The following MEF2D variants were observed in gnomAD, a reference collection of about 807,000 sequenced individuals.
MEF2D encodes the protein myocyte enhancer factor 2D, also known as myocyte-specific enhancer factor 2D.
Under a neutral mutation model 59.3 loss-of-function variants are expected in MEF2D, and 10 were observed. That is an observed-to-expected ratio of 0.17 (90% CI 0.10 to 0.29). The LOEUF (loss-of-function observed/expected upper bound fraction) is 0.29, where lower values mean the gene tolerates loss of function less well. Ranked by LOEUF, MEF2D falls within the 10% of genes least tolerant of loss-of-function variation. The pLI, the probability that MEF2D is intolerant of heterozygous loss-of-function variation, is 1.00. For synonymous variants in MEF2D, 305 were observed against 295.0 expected (o/e 1.03, Z -0.35); for missense variants, 508 against 699.4 (o/e 0.73, Z 3.09).
At chr1:156,479,149 ATC>A (rs1478846473) in intron 6 of MEF2D, 139 bp downstream of exon 6, 10 of 622,624 alleles carry the variant, frequency 1.6e-5, no homozygotes, top group African/African-American at 5.8e-5. Context: ...GGGCTTAAAA[ATC>A]TCTGACTGAC....
In MEF2D at chr1:156,468,242, G is replaced by A; in HGVS notation, c.1305C>T (p.His435=). The A allele has an allele frequency of 1.9e-6, 3 of 1,595,300 alleles. No individual in the cohort carries two copies. The highest frequency in any genetic ancestry group is 2.6e-6 in the Non-Finnish European group (3 of 1,168,396). Residue 435 remains histidine, a synonymous_variant, in exon 11 of 12, where the codon CAC becomes CAT. Transcript: ENST00000348159. This position sits in a 1 kb window ranked among gnomAD's most constrained non-coding sequence, Gnocchi z 4.3. ...ACACCGGTTCTGACTTGATGCTGAT[G>A]TGGGGGTGGGTGGTGACTGTGAGGG... ...GAALTVTTHP[H]ISIKSEPVSP...
chr1:156,472,473 T>G (rs1321952578), intron 9 of MEF2D, among the ~76,000 whole-genome samples: 1 of 152,250 alleles, frequency 6.6e-6, no homozygotes, highest in Non-Finnish European at 1.5e-5. Context: ...TCCCTCAACA[T>G]GAGGCGGTCC....
intron 9 of MEF2D, among the ~76,000 whole-genome samples, chr1:156,471,216 T>C (rs1388993284): frequency 6.6e-6 from 1 of 152,070 alleles, no homozygotes; most frequent in Non-Finnish European, 1.5e-5. Context: ...CCGCAACCTC[T>C]GCCTCCCAGG....
In MEF2D at chr1:156,487,684, A is replaced by T. The variant is rs2102197791; in HGVS notation, c.-138-4254T>A. 2.0e-5 allele frequency among the ~76,000 whole-genome samples: 3 copies of T among 152,276 alleles called. No individual in the cohort carries two copies. In the South Asian group the frequency reaches 6.2e-4, roughly 32 times the overall value. ...AGCTAAACTTCCCTCCTACCCAATT[A>T]GGGAGGTTTTAATGAACACCTGGAC... On this transcript the variant is annotated intron_variant, in intron 1 of 11. Coordinates refer to ENST00000348159, the MANE Select transcript of MEF2D (RefSeq NM_005920.4).
At position 156,483,392 on chromosome 1, in the gene MEF2D, C is replaced by T. The variant is rs1672151235; in HGVS notation, c.-100G>A. 9 of 1,152,772 alleles carry T rather than the reference C, an allele frequency of 7.8e-6. No individual in the cohort carries two copies. The highest frequency in any genetic ancestry group is 2.0e-4 in the Middle Eastern group (1 of 5,052). 71.4% of individuals were successfully genotyped at this position (1,152,772 alleles called of 1,614,324 possible). On this transcript the variant is annotated 5_prime_UTR_variant, in exon 2 of 12. Coordinates refer to ENST00000348159, the MANE Select transcript of MEF2D (RefSeq NM_005920.4). ...GCTCATGAACGGTCTGGGAACAGTGCTCAGTTCATGGTCTGCAGGATACCT... is the reference window on the plus strand; with the variant it reads ...GCTCATGAACGGTCTGGGAACAGTGTTCAGTTCATGGTCTGCAGGATACCT...
At chr1:156,473,655 G>A (rs1316340218) in intron 9 of MEF2D, among the ~76,000 whole-genome samples, 1 of 152,210 alleles carries the variant, frequency 6.6e-6, no homozygotes, top group Non-Finnish European at 1.5e-5. Context: ...TCCTGCGCAG[G>A]TGTGAGTGGG....
At chr1:156,483,786 T>G (rs995885842) in intron 1 of MEF2D, among the ~76,000 whole-genome samples, 1 of 152,242 alleles carries the variant, frequency 6.6e-6, no homozygotes, top group African/African-American at 2.4e-5. Flanking sequence ...CAGCTGCTCC[T>G]CTGGCCTAGA....
chr1:156,493,474 G>A (rs964909490), intron 1 of MEF2D, among the ~76,000 whole-genome samples: 6 of 152,052 alleles, frequency 3.9e-5, no homozygotes, highest in African/African-American at 9.7e-5. Flanking sequence ...CTGCTGAGGC[G>A]GCCAGCCAGG....
rs764367042 is a variant in MEF2D at position 156,468,876 on chromosome 1, G to GGTGGCTGCTGCTGTGGAGGCT, written c.1130_1150dup (p.Gln377_Pro383dup). 1 of 1,612,768 alleles carries GGTGGCTGCTGCTGTGGAGGCT rather than the reference G, an allele frequency of 6.2e-7. No homozygotes were observed. On this transcript the variant is annotated inframe_insertion, in exon 10 of 12. Coordinates refer to ENST00000348159, the MANE Select transcript of MEF2D (RefSeq NM_005920.4). This position sits in a 1 kb window ranked among gnomAD's most constrained non-coding sequence, Gnocchi z 4.3. ...CTGTGGCTGTGGCTGCTGTGGCTGC[G>GGTGGCTGCTGCTGTGGAGGCT]GTGGCTGCTGCTGTGGAGGCTGTGG...
rs1405665129 is a variant in MEF2D at position 156,466,016 on chromosome 1, T to A, written c.*1629A>T. On this transcript the variant is annotated 3_prime_UTR_variant, in exon 12 of 12. Transcript: ENST00000348159. ...GCCACGTCACCCCAGGCCAGGCCCC[T>A]TAGGGCGGGGGGTGATCCTAGAGAG... The A allele has an allele frequency of 1.3e-5, 2 of 152,166 alleles. No individual in the cohort carries two copies. The highest frequency in any genetic ancestry group is 2.4e-5 in the African/African-American group (1 of 41,404). The allele number at this position is 152,166 out of a possible 1,614,324, so 9.4% of individuals were successfully genotyped here. A position where few individuals can be genotyped will look rare whatever the true frequency, so the allele number is the denominator to read the frequency against.
Position 156,475,118 on chromosome 1 carries a change from G to A in MEF2D, c.996C>T (p.Ala332=). Residue 332 remains alanine, a synonymous_variant, in exon 9 of 12, where the codon GCC becomes GCT. Coordinates refer to ENST00000348159, the MANE Select transcript of MEF2D (RefSeq NM_005920.4). Reference sequence around the variant, plus strand: ...CACATGAACACTCACCTGTGTTGTAGGCAGTGGGCATGGAAGAGAAGGGGA... The same window carrying A: ...CACATGAACACTCACCTGTGTTGTAAGCAGTGGGCATGGAAGAGAAGGGGA... The part of the protein sequence containing the change: ...QGLPFSSMPT[A]YNTDYQLTSA... 1.2e-6 allele frequency: 2 copies of A among 1,614,242 alleles called. No homozygotes were observed. Among genetic ancestry groups the A allele is most frequent in the Non-Finnish European group, 8.5e-7 (1 of 1,180,024 alleles).
intron 5 of MEF2D, 35 bp from the exon 6 acceptor site, chr1:156,479,381 C>T (rs1293515078): frequency 3.1e-6 from 5 of 1,603,990 alleles, no homozygotes; most frequent in Non-Finnish European, 4.3e-6. Flanking sequence ...GAGCTGACAA[C>T]ACTCCCGCTT....
In MEF2D at chr1:156,476,521, G is replaced by A; in HGVS notation, c.856-7C>T. 2.5e-6 allele frequency: 4 copies of A among 1,611,200 alleles called. No individual in the cohort carries two copies. The highest frequency in any genetic ancestry group is 2.5e-6 in the Non-Finnish European group (3 of 1,178,758). The stretch of plus-strand genomic sequence containing the variant: ...GATCTAAATGGTCCTCAGTCTGAGA[G>A]CAGAAATAAAACCAAGGGGATGTTC... On this transcript the variant is annotated splice_polypyrimidine_tract_variant and splice_region_variant and intron_variant, in intron 7 of 11. Coordinates refer to ENST00000348159, the MANE Select transcript of MEF2D (RefSeq NM_005920.4).
At chr1:156,495,528 G>A (rs930059981) in intron 1 of MEF2D, among the ~76,000 whole-genome samples, 20 of 151,958 alleles carry the variant, frequency 1.3e-4, no homozygotes, top group South Asian at 6.2e-4. Context: ...GTTTTTGGGC[G>A]GGGCACGATG....
At position 156,468,893 on chromosome 1, in the gene MEF2D, A is replaced by AGGCTGTGGC; in HGVS notation, c.1125_1133dup (p.Pro378_Gln380dup). 1 of 1,613,244 alleles carries AGGCTGTGGC rather than the reference A, an allele frequency of 6.2e-7. No homozygotes were observed. The highest frequency in any genetic ancestry group is 2.2e-5 in the East Asian group (1 of 44,874). ...GTGGCTGCGGTGGCTGCTGCTGTGG[A>AGGCTGTGGC]GGCTGTGGCTGCTGCGGCTGCTGGG... is the stretch of plus-strand genomic sequence containing the variant. On this transcript the variant is annotated inframe_insertion, in exon 10 of 12. Coordinates refer to ENST00000348159, the MANE Select transcript of MEF2D (RefSeq NM_005920.4). This position sits in a 1 kb window ranked among gnomAD's most constrained non-coding sequence, Gnocchi z 4.3.
At position 156,473,111 on chromosome 1, in the gene MEF2D, G is replaced by A. The variant is rs536803127; in HGVS notation, c.1006+1997C>T. Among the ~76,000 whole-genome samples, 7 of 151,280 alleles carry A rather than the reference G, an allele frequency of 4.6e-5. No individual in the cohort carries two copies. The East Asian group carries it at 7.8e-4, about 17-fold the overall frequency. ...CGGCTCATGGCAACCTCTGCCTCCC[G>A]GATTCAAGTGATTCTCCTGCCTCTG... is the stretch of plus-strand genomic sequence containing the variant. On this transcript the variant is annotated intron_variant, in intron 9 of 11. Transcript: ENST00000348159.
intron 8 of MEF2D, among the ~76,000 whole-genome samples, chr1:156,475,922 C>G (rs534195962): frequency 6.6e-6 from 1 of 152,128 alleles, no homozygotes; most frequent in South Asian, 2.1e-4. Context: ...TCTGAGTGCC[C>G]GTGTCATGGA....
intron 1 of MEF2D, chr1:156,490,739 G>A (rs1359501488): frequency 6.6e-6 from 1 of 152,318 alleles, no homozygotes; most frequent in East Asian, 1.9e-4. Context: ...ACTCTCCCGA[G>A]CCCCACCCTA....
intron 1 of MEF2D, among the ~76,000 whole-genome samples, chr1:156,500,058 G>A (rs895704998): frequency 6.6e-6 from 1 of 152,124 alleles, no homozygotes; most frequent in Non-Finnish European, 1.5e-5. Context: ...GGGAACAGGC[G>A]GCGAGAGGAG....
Sources: gnomAD v4.1 joint callset for allele counts (sites outside exome capture counted in the v4.1 genomes callset) on GRCh38, gnomAD v4.1.1 for gene constraint, Gnocchi (gnomAD v3.1) non-coding constraint, MANE v1.5 for transcripts, NCBI Gene and HGNC (gene_info 2026-07-23, HGNC 2026-07-21) for gene names.